The following CSMD1 variants were observed in gnomAD, a reference collection of about 807,000 sequenced individuals.
The protein encoded by CSMD1 is CUB and Sushi multiple domains 1.
CSMD1 carries 213 observed loss-of-function variants against 417.5 expected under a neutral mutation model. The observed-to-expected ratio is 0.51, with a 90% CI of 0.46 to 0.57. The LOEUF (loss-of-function observed/expected upper bound fraction) is 0.57. Ranked by LOEUF, CSMD1 falls within the 20% of genes least tolerant of loss-of-function variation. CSMD1 has a pLI of 0.00. For missense variants in CSMD1, 6,923 were observed against 4,529.7 expected, an observed-to-expected ratio of 1.53 and a Z score of -15.17; for synonymous variants, 2,862 against 1,736.8, an observed-to-expected ratio of 1.65 and a Z score of -16.11.
At chr8:3,587,300 C>A (rs566587405) in intron 8 of CSMD1, among the ~76,000 whole-genome samples, 1 of 152,204 alleles carries the variant, frequency 6.6e-6, no homozygotes, top group African/African-American at 2.4e-5. Context: ...TTCTTCTGAG[C>A]CTGGCTTCTG....
chr8:4,120,107 C>CCATT (rs1410554194), intron 3 of CSMD1, among the ~76,000 whole-genome samples: 5 of 152,004 alleles, frequency 3.3e-5, no homozygotes, highest in Non-Finnish European at 7.4e-5. Flanking sequence ...GATGGACACC[C>CCATT]CATTATCCAT....
chr8:4,894,234 GAAGAAT>G (rs1311268378), intron 1 of CSMD1, among the ~76,000 whole-genome samples: 1 of 151,952 alleles, frequency 6.6e-6, no homozygotes, highest in Non-Finnish European at 1.5e-5. Flanking sequence ...TTCAGAATTT[GAAGAAT>G]AAGCTTTGAT....
rs118188531 is a variant in CSMD1, at chr8:4,310,212, G to A, written c.415+109741C>T. Among the ~76,000 whole-genome samples the A allele has an allele frequency of 3.9e-3, 594 of 152,232 alleles. 6 individuals are homozygous for A. The highest frequency in any genetic ancestry group is 0.017 in the Middle Eastern group (5 of 294). ...ATGGTAATCTCCTTTCCATCTAGTGGAGGATTCAGGAATTAGCAATTAACT... is the reference window on the plus strand; with the variant it reads ...ATGGTAATCTCCTTTCCATCTAGTGAAGGATTCAGGAATTAGCAATTAACT... On this transcript the variant is annotated intron_variant, in intron 3 of 69. Coordinates refer to ENST00000635120, the MANE Select transcript of CSMD1 (RefSeq NM_033225.6).
chr8:4,019,578 G>A (rs148206881), intron 4 of CSMD1, among the ~76,000 whole-genome samples: 33 of 152,256 alleles, frequency 2.2e-4, no homozygotes, highest in African/African-American at 7.7e-4. Flanking sequence ...GTGTTTTACG[G>A]TCTGCTCTTG....
At position 4,452,074 on chromosome 8, in the gene CSMD1, C is replaced by G. The variant is rs146883854; in HGVS notation, c.303-32009G>C. On this transcript the variant is annotated intron_variant, in intron 2 of 69. Coordinates refer to ENST00000635120, the MANE Select transcript of CSMD1 (RefSeq NM_033225.6). ...GAGGAAGATTAGGGGCCAGAATGATCTCCTCTGCTTTCTTTAGAAATTTAG... is the reference window on the plus strand; with the variant it reads ...GAGGAAGATTAGGGGCCAGAATGATGTCCTCTGCTTTCTTTAGAAATTTAG... Among the ~76,000 whole-genome samples the G allele has an allele frequency of 9.2e-5, 14 of 152,164 alleles. No homozygotes were observed. The East Asian group carries it at 2.1e-3, about 23-fold the overall frequency.
intron 1 of CSMD1, among the ~76,000 whole-genome samples, chr8:4,939,810 C>G (rs13258274): frequency 0.32 from 48,086 of 151,648 alleles, 8,611 homozygotes; most frequent in Non-Finnish European, 0.42. Context: ...GTGTTCTCAT[C>G]ACAAAAAAGA....
intron 5 of CSMD1, among the ~76,000 whole-genome samples, chr8:3,926,099 ACACACACACACACACAC>A (rs1809686200): frequency 1.2e-5 from 1 of 82,732 alleles, no homozygotes; most frequent in African/African-American, 5.2e-5. Flanking sequence ...ACACACACAC[ACACACACACACACACAC>A]ACACACACAC....
intron 1 of CSMD1, among the ~76,000 whole-genome samples, chr8:4,692,058 C>A (rs1791368647): frequency 6.6e-6 from 1 of 152,174 alleles, no homozygotes. Context: ...ATGCGGGGCA[C>A]ACAACCTACC....
At chr8:4,693,504 C>G (rs555111911) in intron 1 of CSMD1, among the ~76,000 whole-genome samples, 13 of 152,254 alleles carry the variant, frequency 8.5e-5, no homozygotes, top group Middle Eastern at 6.8e-3. Context: ...TACTGTTCCT[C>G]TTTTTTCACT....
chr8:4,707,537 G>A (rs1168827848), intron 1 of CSMD1, among the ~76,000 whole-genome samples: 3 of 152,066 alleles, frequency 2.0e-5, no homozygotes, highest in Admixed American at 6.6e-5. Flanking sequence ...TGGAGAGGCC[G>A]CTTGTAGAAC....
intron 3 of CSMD1, among the ~76,000 whole-genome samples, chr8:4,042,160 G>A (rs760770707): frequency 9.2e-5 from 14 of 152,062 alleles, no homozygotes; most frequent in Admixed American, 8.5e-4. Context: ...CTAAAACAGT[G>A]AACTCATAAA....
intron 3 of CSMD1, among the ~76,000 whole-genome samples, chr8:4,274,620 T>C (rs1796371286): frequency 6.6e-6 from 1 of 152,166 alleles, no homozygotes; most frequent in Non-Finnish European, 1.5e-5. Flanking sequence ...AAATTTCTAT[T>C]AAATATCGAA....
At chr8:3,251,079 T>G (rs1425023726) in intron 26 of CSMD1, among the ~76,000 whole-genome samples, 3 of 152,184 alleles carry the variant, frequency 2.0e-5, no homozygotes, top group Non-Finnish European at 4.4e-5. Flanking sequence ...TAGATCCCGT[T>G]TGTCAATTTT....
chr8:3,429,542 C>T (rs1393845), intron 12 of CSMD1, among the ~76,000 whole-genome samples: 39,295 of 151,958 alleles, frequency 0.26, 5,256 homozygotes, highest in Middle Eastern at 0.35. Context: ...CTGTCAGGAA[C>T]GTTCAATATC....
At chr8:3,261,640 A>G (rs891790114) in intron 26 of CSMD1, among the ~76,000 whole-genome samples, 1 of 152,164 alleles carries the variant, frequency 6.6e-6, no homozygotes, top group Non-Finnish European at 1.5e-5. Context: ...TGCTGCCTCC[A>G]TTCCCTGGAG....
At chr8:2,951,419 G>C (rs1802623886) in intron 65 of CSMD1, 144 bp from the exon 66 acceptor site, 1 of 779,768 alleles carries the variant, frequency 1.3e-6, no homozygotes, top group South Asian at 2.1e-5. Flanking sequence ...CTAGTGCATC[G>C]CTGTTCACAG....
chr8:4,153,258 C>G (rs1030581320), intron 3 of CSMD1, among the ~76,000 whole-genome samples: 4 of 152,162 alleles, frequency 2.6e-5, no homozygotes, highest in South Asian at 2.1e-4. Flanking sequence ...ATGATACATA[C>G]GGCTATAAAG....
Position 2,937,437 on chromosome 8 carries a change from C to CAAAAAAAAAA in CSMD1, c.*1138_*1147dup, listed in dbSNP as rs78432209. ...CAAAGATCGATGGCACAGTAAAAGA[C>CAAAAAAAAAA]AAAAAAAAAAAAAAACAAAAAAAAA... On this transcript the variant is annotated 3_prime_UTR_variant, in exon 70 of 70. Coordinates refer to ENST00000635120, the MANE Select transcript of CSMD1 (RefSeq NM_033225.6). The CAAAAAAAAAA allele has an allele frequency of 3.5e-5, 4 of 114,150 alleles. No homozygotes were observed. Among genetic ancestry groups the CAAAAAAAAAA allele is most frequent in the African/African-American group, 8.1e-5 (2 of 24,652 alleles). 7.1% of individuals were successfully genotyped at this position (114,150 alleles called of 1,614,324 possible).
intron 1 of CSMD1, among the ~76,000 whole-genome samples, chr8:4,892,336 G>A (rs376112110): frequency 2.0e-5 from 3 of 152,186 alleles, no homozygotes; most frequent in Admixed American, 6.5e-5. Flanking sequence ...AGGTGACGAA[G>A]CCATCTCCAC....
Sources: gnomAD v4.1 joint callset for allele counts (sites outside exome capture counted in the v4.1 genomes callset) on GRCh38, gnomAD v4.1.1 for gene constraint, MANE v1.5 for transcripts, NCBI Gene and HGNC (gene_info 2026-07-23, HGNC 2026-07-21) for gene names.